The following MGAT4C variants were observed in gnomAD, a reference collection of about 807,000 sequenced individuals.
MGAT4C encodes alpha-1,3-mannosyl-glycoprotein 4-beta-N-acetylglucosaminyltransferase C.
MGAT4C carries 19 observed loss-of-function variants against 40.1 expected under a neutral mutation model. That is an observed-to-expected ratio of 0.47 (90% CI 0.33 to 0.70). The LOEUF is 0.70. MGAT4C is among the 30% of genes least tolerant of loss of function. The probability of loss-of-function intolerance (pLI) is 0.02; values close to 1 mark genes in which losing one functional copy is unlikely to be tolerated. For missense variants in MGAT4C, 491 were observed against 563.2 expected, an observed-to-expected ratio of 0.87 and a Z score of 1.30; for synonymous variants, 181 against 187.1, an observed-to-expected ratio of 0.97 and a Z score of 0.27.
chr12:86,832,781 A>G (rs1452575797), intron 1 of MGAT4C, among the ~76,000 whole-genome samples: 3 of 151,820 alleles, frequency 2.0e-5, no homozygotes, highest in Non-Finnish European at 2.9e-5. Context: ...GTAATCATGG[A>G]CAGTTGCTTC....
chr12:86,593,747 A>G (rs1169176815), intron 2 of MGAT4C, among the ~76,000 whole-genome samples: 7 of 152,130 alleles, frequency 4.6e-5, no homozygotes, highest in African/African-American at 7.2e-5. Context: ...TCTTTTAAAT[A>G]GACTGAGATT....
Position 86,806,518 on chromosome 12 carries a change from C to T in MGAT4C, c.-262+32148G>A, listed in dbSNP as rs1593225094. Among the ~76,000 whole-genome samples the T allele has an allele frequency of 2.0e-5, 3 of 151,804 alleles. No individual in the cohort carries two copies. In the South Asian group the frequency reaches 6.2e-4, roughly 32 times the overall value. On this transcript the variant is annotated intron_variant, in intron 1 of 7. Coordinates refer to the MGAT4C transcript ENST00000548651. ...TACCACGTGTGTAAGTTCATATATA[C>T]ACTACTACACTCAAGATTTACTGAA...
Position 86,590,225 on chromosome 12 carries a change from A to G in MGAT4C, c.-229+136984T>C, listed in dbSNP as rs79922717. Among the ~76,000 whole-genome samples, 4 of 151,176 alleles carry G rather than the reference A, an allele frequency of 2.6e-5. No homozygotes were observed. In the East Asian group the frequency reaches 7.8e-4, roughly 30 times the overall value. On this transcript the variant is annotated intron_variant, in intron 2 of 7. Coordinates refer to the MGAT4C transcript ENST00000548651. ...TAATAAACCCTGTGTATGAACATTA[A>G]TCATGACCATTTACCAAGGATGAAA... is the stretch of plus-strand genomic sequence containing the variant.
At position 86,655,120 on chromosome 12, in the gene MGAT4C, T is replaced by C. The variant is rs1287796686; in HGVS notation, c.-229+72089A>G. ...GTTGCATAGGTATATATGTGCCATG[T>C]TGGTTTGCTGCACCCATCAGCTAGT... On this transcript the variant is annotated intron_variant, in intron 2 of 7. Coordinates refer to the MGAT4C transcript ENST00000548651. Among the ~76,000 whole-genome samples the C allele has an allele frequency of 4.6e-5, 7 of 151,968 alleles. 1 individual carries two copies. The highest frequency in any genetic ancestry group is 1.7e-4 in the African/African-American group (7 of 41,402).
At chr12:86,191,336 G>C (rs2135901908) in intron 1 of MGAT4C, among the ~76,000 whole-genome samples, 2 of 152,048 alleles carry the variant, frequency 1.3e-5, no homozygotes, top group African/African-American at 4.8e-5. Flanking sequence ...GTTTTGTGGT[G>C]TGACGTGGCA....
chr12:86,513,434 T>A (rs1169775203), intron 2 of MGAT4C, among the ~76,000 whole-genome samples: 1 of 152,188 alleles, frequency 6.6e-6, no homozygotes, highest in Non-Finnish European at 1.5e-5. Flanking sequence ...TTTTCATGAC[T>A]GGTCTGAAAG....
In MGAT4C at chr12:86,594,977, G is replaced by A. The variant is rs117851768; in HGVS notation, c.-229+132232C>T. ...CTGTCTAACTTTGTTCTACACACAC[G>A]GTCCTCAGAGCCCCGTATTATGGGG... On this transcript the variant is annotated intron_variant, in intron 2 of 7. Coordinates refer to the MGAT4C transcript ENST00000548651. 8.4e-3 allele frequency among the ~76,000 whole-genome samples: 1,280 copies of A among 152,096 alleles called. 11 individuals carry two copies. Among genetic ancestry groups the A allele is most frequent in the Non-Finnish European group, 0.013 (855 of 67,988 alleles).
chr12:86,117,197 G>C (rs1005494492), intron 1 of MGAT4C, among the ~76,000 whole-genome samples: 1 of 152,098 alleles, frequency 6.6e-6, no homozygotes, highest in Non-Finnish European at 1.5e-5. Context: ...CAGGGCATAA[G>C]TTATCTTGAG....
chr12:86,693,275 G>A (rs1232738469), intron 2 of MGAT4C, among the ~76,000 whole-genome samples: 1 of 152,138 alleles, frequency 6.6e-6, no homozygotes, highest in Non-Finnish European at 1.5e-5. Flanking sequence ...TGTATACACT[G>A]ATTAATTCAT....
intron 2 of MGAT4C, among the ~76,000 whole-genome samples, chr12:86,549,875 G>T (rs562789763): frequency 1.3e-5 from 2 of 152,158 alleles, no homozygotes; most frequent in Admixed American, 1.3e-4. Flanking sequence ...ACCCAGAGTC[G>T]GGAGTGAGTT....
intron 2 of MGAT4C, among the ~76,000 whole-genome samples, chr12:86,701,708 C>T (rs1273632464): frequency 1.3e-5 from 2 of 152,086 alleles, no homozygotes; most frequent in Admixed American, 6.6e-5. Flanking sequence ...GTAAGGAAAA[C>T]ACACCAAAAC....
At chr12:86,288,230 T>C (rs915336671) in intron 4 of MGAT4C, among the ~76,000 whole-genome samples, 1 of 152,194 alleles carries the variant, frequency 6.6e-6, no homozygotes, top group Non-Finnish European at 1.5e-5. Flanking sequence ...AAGTTCCTTG[T>C]AGATTCTGGA....
intron 4 of MGAT4C, among the ~76,000 whole-genome samples, chr12:86,313,034 G>T (rs1183715085): frequency 1.3e-5 from 2 of 152,028 alleles, no homozygotes; most frequent in Non-Finnish European, 2.9e-5. Context: ...CTCTATATTA[G>T]CCCACTCTGC....
At chr12:86,562,245 T>C (rs1959902959) in intron 2 of MGAT4C, among the ~76,000 whole-genome samples, 1 of 152,066 alleles carries the variant, frequency 6.6e-6, no homozygotes. Flanking sequence ...AAGGCTGAAA[T>C]TGCAGAAAAT....
intron 2 of MGAT4C, among the ~76,000 whole-genome samples, chr12:86,590,677 T>C (rs1961296999): frequency 6.6e-6 from 1 of 151,892 alleles, no homozygotes; most frequent in Non-Finnish European, 1.5e-5. Context: ...TACAACAAAA[T>C]GACATAAATA....
chr12:86,460,982 A>AT (rs1208492405), intron 2 of MGAT4C, among the ~76,000 whole-genome samples: 1 of 152,030 alleles, frequency 6.6e-6, no homozygotes, highest in Non-Finnish European at 1.5e-5. Context: ...AAGTCTTGTC[A>AT]TTTTTTAAAT....
intron 3 of MGAT4C, among the ~76,000 whole-genome samples, chr12:86,374,966 G>T (rs911178489): frequency 6.6e-6 from 1 of 152,074 alleles, no homozygotes; most frequent in African/African-American, 2.4e-5. Flanking sequence ...AGGAGGAAAT[G>T]ATCATATTTT....
At chr12:86,098,450 A>G (rs369078663) in intron 1 of MGAT4C, among the ~76,000 whole-genome samples, 1 of 151,694 alleles carries the variant, frequency 6.6e-6, no homozygotes, top group South Asian at 2.1e-4. Context: ...CTGAGTGCCA[A>G]TGAGACATAT....
intron 2 of MGAT4C, among the ~76,000 whole-genome samples, chr12:86,013,375 G>T (rs2136828860): frequency 6.6e-6 from 1 of 152,126 alleles, no homozygotes; most frequent in Middle Eastern, 3.4e-3. Context: ...TCAAGTAGCT[G>T]GGACTACAGG....
Sources: allele counts gnomAD v4.1 joint callset (sites outside exome capture counted in the v4.1 genomes callset), GRCh38; gene constraint gnomAD v4.1.1; transcripts MANE v1.5; gene names NCBI Gene and HGNC (gene_info 2026-07-23, HGNC 2026-07-21).